CNTNAP5: variants seen among roughly 807,000 people sequenced by gnomAD.
CNTNAP5 encodes the protein contactin-associated protein-like 5.
A neutral mutation model predicts 150.2 loss-of-function variants in CNTNAP5; 72 were observed. The ratio of observed to expected loss-of-function variants is 0.48; its 90% CI spans 0.40 to 0.58. The LOEUF (loss-of-function observed/expected upper bound fraction) is 0.58. Ranked by LOEUF, CNTNAP5 falls within the 20% of genes least tolerant of loss-of-function variation. The pLI, the probability that CNTNAP5 is intolerant of heterozygous loss-of-function variation, is 0.00. For synonymous variants in CNTNAP5, 672 were observed against 619.8 expected, an observed-to-expected ratio of 1.08 and a Z score of -1.25; for missense variants, 1,636 against 1,626.2, an observed-to-expected ratio of 1.01 and a Z score of -0.10.
chr2:124,109,679 G>A (rs554283537), intron 1 of CNTNAP5, among the ~76,000 whole-genome samples: 40 of 152,292 alleles, frequency 2.6e-4, no homozygotes, highest in African/African-American at 9.1e-4. Context: ...TGAGCCACAG[G>A]TGTGGCTGGC....
chr2:124,317,135 G>T (rs1257227106), intron 3 of CNTNAP5, among the ~76,000 whole-genome samples: 1 of 152,046 alleles, frequency 6.6e-6, no homozygotes, highest in Non-Finnish European at 1.5e-5. Flanking sequence ...ATTTACACCG[G>T]GTGGCTTCAA....
At chr2:124,457,462 GA>G (rs1459527861) in intron 6 of CNTNAP5, among the ~76,000 whole-genome samples, 1 of 151,286 alleles carries the variant, frequency 6.6e-6, no homozygotes, top group Admixed American at 6.6e-5. Context: ...AAATTAGCAA[GA>G]AAAAAAAGAA....
intron 1 of CNTNAP5, among the ~76,000 whole-genome samples, chr2:124,043,460 A>C (rs1271640964): frequency 1.3e-5 from 2 of 152,154 alleles, no homozygotes; most frequent in East Asian, 3.9e-4. Context: ...ATTATTCCAC[A>C]AATACCTAAC....
At chr2:124,538,754 T>C (rs1254563388) in intron 10 of CNTNAP5, among the ~76,000 whole-genome samples, 3 of 152,128 alleles carry the variant, frequency 2.0e-5, no homozygotes, top group Non-Finnish European at 2.9e-5. Context: ...TTTATCTAGA[T>C]AGAAATGTGA....
intron 1 of CNTNAP5, among the ~76,000 whole-genome samples, chr2:124,095,877 A>T (rs1682923488): frequency 6.6e-6 from 1 of 152,136 alleles, no homozygotes; most frequent in South Asian, 2.1e-4. Flanking sequence ...TTAATCTTTA[A>T]CACTCTTATG....
intron 12 of CNTNAP5, among the ~76,000 whole-genome samples, chr2:124,612,815 G>A (rs1558704451): frequency 6.6e-6 from 1 of 152,198 alleles, no homozygotes; most frequent in Non-Finnish European, 1.5e-5. Context: ...CACTTTGGGA[G>A]ACCAAGGCAG....
chr2:124,419,164 C>A (rs1399954557), intron 4 of CNTNAP5, among the ~76,000 whole-genome samples: 891 of 39,558 alleles, frequency 0.023, 2 homozygotes, highest in Non-Finnish European at 0.043. Context: ...AAAAAAAAAA[C>A]AGTATGAAGC....
At chr2:124,264,388 A>ACC (rs1687547976) in intron 3 of CNTNAP5, among the ~76,000 whole-genome samples, 1 of 25,808 alleles carries the variant, frequency 3.9e-5, no homozygotes, top group African/African-American at 8.1e-5. Flanking sequence ...ACACACACAC[A>ACC]TACACACACA....
chr2:124,307,899 A>T (rs984223047), intron 3 of CNTNAP5, among the ~76,000 whole-genome samples: 3 of 152,184 alleles, frequency 2.0e-5, no homozygotes, highest in African/African-American at 7.2e-5. Flanking sequence ...CAAATTTCTA[A>T]TGCCACTCCA....
At chr2:124,368,670 C>A (rs1690438230) in intron 3 of CNTNAP5, among the ~76,000 whole-genome samples, 9 of 152,024 alleles carry the variant, frequency 5.9e-5, no homozygotes. Flanking sequence ...ATTCAAAATT[C>A]ATTAATCCAT....
chr2:124,702,428 C>T (rs1170743016), intron 13 of CNTNAP5, among the ~76,000 whole-genome samples: 10 of 116,162 alleles, frequency 8.6e-5, no homozygotes, highest in Non-Finnish European at 1.1e-4. Context: ...GGACAAATGC[C>T]TTTAATGCCA....
chr2:124,378,147 G>A (rs928146028), intron 3 of CNTNAP5, among the ~76,000 whole-genome samples: 1 of 151,800 alleles, frequency 6.6e-6, no homozygotes, highest in African/African-American at 2.4e-5. Context: ...CACTGGTCCA[G>A]GTATATATAT....
At chr2:124,666,329 A>G (rs1172108691) in intron 13 of CNTNAP5, among the ~76,000 whole-genome samples, 2 of 152,186 alleles carry the variant, frequency 1.3e-5, no homozygotes, top group Non-Finnish European at 2.9e-5. Flanking sequence ...GAGTCAGCAG[A>G]AAAAAATATT....
chr2:124,138,329 G>A lies in CNTNAP5; in HGVS notation c.83-83376G>A, dbSNP rs74455710. Among the ~76,000 whole-genome samples, 555 of 152,288 alleles carry A rather than the reference G, an allele frequency of 3.6e-3. 4 individuals are homozygous for A. Among genetic ancestry groups the A allele is most frequent in the African/African-American group, 0.011 (472 of 41,556 alleles). ...AGTCCACCTGCTCTTAAACACATTC[G>A]TACCATGATTTCCTAAGGAACTGTT... On this transcript the variant is annotated intron_variant, in intron 1 of 23. Transcript: ENST00000682447.
intron 4 of CNTNAP5, among the ~76,000 whole-genome samples, chr2:124,425,935 A>T (rs1692228555): frequency 6.6e-6 from 1 of 152,184 alleles, no homozygotes; most frequent in African/African-American, 2.4e-5. Context: ...AGTTCCCTAA[A>T]ATGAGTACAT....
intron 7 of CNTNAP5, among the ~76,000 whole-genome samples, chr2:124,488,283 G>C (rs189664905): frequency 6.6e-6 from 1 of 151,996 alleles, no homozygotes; most frequent in Non-Finnish European, 1.5e-5. Context: ...TGAAAATAAC[G>C]TGTTGATCAT....
intron 3 of CNTNAP5, among the ~76,000 whole-genome samples, chr2:124,392,612 A>C (rs1221712890): frequency 6.9e-6 from 1 of 144,300 alleles, no homozygotes; most frequent in Non-Finnish European, 1.5e-5. Flanking sequence ...GCTCTGAATA[A>C]TTTGTTCAGA....
At chr2:124,844,760 A>AT (rs1683013869) in intron 19 of CNTNAP5, among the ~76,000 whole-genome samples, 1 of 151,666 alleles carries the variant, frequency 6.6e-6, no homozygotes, top group Non-Finnish European at 1.5e-5. Context: ...TTTTGATTTG[A>AT]TTTTCAGCTT....
At chr2:124,137,371 T>C (rs1175905340) in intron 1 of CNTNAP5, among the ~76,000 whole-genome samples, 2 of 151,960 alleles carry the variant, frequency 1.3e-5, no homozygotes, top group Admixed American at 6.6e-5. Context: ...AAGGAGGAAA[T>C]ACAAGGAAAA....
Sources: gnomAD v4.1 joint callset for allele counts (sites outside exome capture counted in the v4.1 genomes callset) on GRCh38, gnomAD v4.1.1 for gene constraint, MANE v1.5 for transcripts, NCBI Gene and HGNC (gene_info 2026-07-23, HGNC 2026-07-21) for gene names.